AGMO: variants seen among roughly 807,000 people sequenced by gnomAD.
AGMO encodes alkylglycerol monooxygenase.
Under a neutral mutation model 60.2 loss-of-function variants are expected in AGMO, and 75 were observed. The observed-to-expected ratio is 1.25, with a 90% confidence interval of 1.03 to 1.51. AGMO has a LOEUF of 1.51. Among genes scored for constraint, AGMO ranks in the 40% most tolerant of loss-of-function variants. AGMO has a pLI of 0.00. For synonymous variants in AGMO, 261 were observed against 177.1 expected (o/e 1.47, Z -3.76); for missense variants, 763 against 525.5 (o/e 1.45, Z -4.42).
chr7:15,471,171 C>G (rs966901719), intron 3 of AGMO, among the ~76,000 whole-genome samples: 1 of 151,944 alleles, frequency 6.6e-6, no homozygotes, highest in Non-Finnish European at 1.5e-5. Context: ...TCCATTTCCT[C>G]TATCATGCTT....
intron 3 of AGMO, among the ~76,000 whole-genome samples, chr7:15,496,528 G>T (rs1300746070): frequency 1.4e-5 from 2 of 142,276 alleles, no homozygotes; most frequent in African/African-American, 5.1e-5. Flanking sequence ...GTATTTGCTT[G>T]TGAGAATTGA....
intron 12 of AGMO, among the ~76,000 whole-genome samples, chr7:15,261,527 A>C (rs898127856): frequency 6.6e-6 from 1 of 152,016 alleles, no homozygotes; most frequent in African/African-American, 2.4e-5. Context: ...GTCAACACAC[A>C]AAAAAAGTCC....
the AGMO span, among the ~76,000 whole-genome samples, chr7:15,177,718 T>A: frequency 6.6e-6 from 1 of 152,144 alleles, no homozygotes; most frequent in East Asian, 1.9e-4. Context: ...TTTACTTTTT[T>A]AATCCCCTTC....
At chr7:15,507,433 T>C (rs953095258) in intron 3 of AGMO, among the ~76,000 whole-genome samples, 2 of 151,956 alleles carry the variant, frequency 1.3e-5, no homozygotes, top group Admixed American at 1.3e-4. Context: ...CAAGAATTCA[T>C]AGGAATTACG....
intron 3 of AGMO, among the ~76,000 whole-genome samples, chr7:15,434,057 T>C (rs1473301520): frequency 2.0e-5 from 3 of 152,114 alleles, no homozygotes; most frequent in Admixed American, 2.0e-4. Context: ...TACTGCACTC[T>C]AGATACAGAA....
chr7:15,277,265 A>G (rs1783824987), intron 12 of AGMO, among the ~76,000 whole-genome samples: 1 of 152,020 alleles, frequency 6.6e-6, no homozygotes, highest in Non-Finnish European at 1.5e-5. Context: ...AGATCATGCC[A>G]TTGCACTCCA....
In AGMO at chr7:15,365,550, C is replaced by T; in HGVS notation, c.1227G>A (p.Leu409=). The change falls in exon 12 of 13, where the codon CTG becomes CTA. Residue 409 remains leucine (L), a synonymous_variant. Transcript: ENST00000342526. ...ATGACAATGAAGGGACAAGAGGCTT[C>T]AGGTGACCAAATCGGTACAGCATTA... is the stretch of plus-strand genomic sequence containing the variant. ...MFLMLYRFGH[L]KPLVPSLSSA... 1 of 1,612,864 alleles carries T rather than the reference C, an allele frequency of 6.2e-7. No homozygotes were observed. The highest frequency in any genetic ancestry group is 8.5e-7 in the Non-Finnish European group (1 of 1,179,122).
At chr7:15,421,859 T>C (rs1780933900) in intron 4 of AGMO, among the ~76,000 whole-genome samples, 1 of 152,100 alleles carries the variant, frequency 6.6e-6, no homozygotes, top group Non-Finnish European at 1.5e-5. Flanking sequence ...CTTACAGGTG[T>C]GTCCACAGTG....
intron 12 of AGMO, among the ~76,000 whole-genome samples, chr7:15,265,268 A>T (rs1157438086): frequency 6.6e-6 from 1 of 151,990 alleles, no homozygotes; most frequent in African/African-American, 2.4e-5. Context: ...ACAACAGACA[A>T]TGGGGACTAT....
chr7:15,414,965 C>T (rs1780719239), intron 5 of AGMO, among the ~76,000 whole-genome samples: 1 of 152,046 alleles, frequency 6.6e-6, no homozygotes, highest in Non-Finnish European at 1.5e-5. Context: ...GATTCTACCT[C>T]ATACCATATG....
chr7:15,528,138 A>G (rs1784173254), intron 3 of AGMO, among the ~76,000 whole-genome samples: 1 of 152,132 alleles, frequency 6.6e-6, no homozygotes, highest in Non-Finnish European at 1.5e-5. Context: ...TGCCATAGAT[A>G]GTGATTCATC....
At chr7:15,539,744 C>T (rs1005576646) in intron 3 of AGMO, among the ~76,000 whole-genome samples, 1 of 152,182 alleles carries the variant, frequency 6.6e-6, no homozygotes, top group African/African-American at 2.4e-5. Flanking sequence ...CTAACTTGCA[C>T]TCCCACCAAC....
chr7:15,496,371 A>G (rs1463289943), intron 3 of AGMO, among the ~76,000 whole-genome samples: 1 of 152,188 alleles, frequency 6.6e-6, no homozygotes, highest in Non-Finnish European at 1.5e-5. Flanking sequence ...AAAAAGACAA[A>G]TTACTGTATT....
At chr7:15,408,915 A>G (rs1405215287) in intron 5 of AGMO, among the ~76,000 whole-genome samples, 4 of 151,788 alleles carry the variant, frequency 2.6e-5, no homozygotes, top group Non-Finnish European at 4.4e-5. Context: ...GGGAAGGGAG[A>G]ATTTGAGTTG....
chr7:15,385,673 A>T, intron 9 of AGMO, 111 bp from the exon 10 acceptor site: 1 of 702,278 alleles, frequency 1.4e-6, no homozygotes, highest in South Asian at 1.7e-5. Flanking sequence ...TTAAAAAAAG[A>T]CAAACATAAT....
chr7:15,555,498 T>C (rs2115306619), intron 2 of AGMO, among the ~76,000 whole-genome samples: 1 of 151,900 alleles, frequency 6.6e-6, no homozygotes, highest in Non-Finnish European at 1.5e-5. Flanking sequence ...TTGGTAATAA[T>C]AAGAAAGATA....
intron 6 of AGMO, among the ~76,000 whole-genome samples, chr7:15,391,677 C>A (rs755670735): frequency 4.1e-4 from 63 of 152,128 alleles, no homozygotes; most frequent in Admixed American, 5.9e-4. Context: ...AAAGAAAAAT[C>A]TCCCATAGTA....
chr7:15,403,748 T>A (rs78341533), intron 5 of AGMO, among the ~76,000 whole-genome samples: 14,276 of 152,024 alleles, frequency 0.094, 829 homozygotes, highest in South Asian at 0.15. Flanking sequence ...TTTATATTAT[T>A]GAGCATCTGG....
intron 3 of AGMO, among the ~76,000 whole-genome samples, chr7:15,513,401 C>A (rs1336377980): frequency 6.6e-6 from 1 of 152,018 alleles, no homozygotes; most frequent in Admixed American, 6.6e-5. Flanking sequence ...TCTGTTTTTT[C>A]TTTCTTTATT....
Sources: allele counts gnomAD v4.1 joint callset (sites outside exome capture counted in the v4.1 genomes callset), GRCh38; gene constraint gnomAD v4.1.1; transcripts MANE v1.5; gene names NCBI Gene and HGNC (gene_info 2026-07-23, HGNC 2026-07-21).